Variants in CACTIN observed in about 807,000 individuals in gnomAD.
CACTIN encodes splicing factor Cactin.
Under a neutral mutation model 84.9 loss-of-function variants are expected in CACTIN, and 20 were observed. The ratio of observed to expected loss-of-function variants is 0.24; its 90% confidence interval spans 0.17 to 0.34. The LOEUF (loss-of-function observed/expected upper bound fraction) is 0.34, where lower values mean the gene tolerates loss of function less well. Among genes scored for constraint, CACTIN ranks in the 10% least tolerant of loss-of-function variants. CACTIN has a pLI of 1.00. For missense variants in CACTIN, 897 were observed against 1,117.2 expected, an observed-to-expected ratio of 0.80 and a Z score of 2.81; for synonymous variants, 549 against 467.9, an observed-to-expected ratio of 1.17 and a Z score of -2.24.
intron 4 of CACTIN, among the ~76,000 whole-genome samples, 174 bp from the exon 5 acceptor site, chr19:3,619,416 C>T (rs1034413628): frequency 2.0e-5 from 3 of 152,104 alleles, no homozygotes; most frequent in African/African-American, 4.8e-5. Context: ...TAGAGTGAGC[C>T]GGGTCAGCCA....
intron 6 of CACTIN, among the ~76,000 whole-genome samples, chr19:3,616,994 G>C (rs377022743): frequency 1.3e-5 from 2 of 152,082 alleles, no homozygotes; most frequent in African/African-American, 2.4e-5. Flanking sequence ...GATGGCGCGC[G>C]TCTGTAATCC....
chr19:3,621,115 C>A, intron 2 of CACTIN: 1 of 475,092 alleles, frequency 2.1e-6, no homozygotes, highest in South Asian at 2.0e-5. Flanking sequence ...GCCACCCCAG[C>A]CCCCAACAGA....
chr19:3,623,569 G>T (rs1263848908), intron 2 of CACTIN, 119 bp downstream of exon 2: 3 of 828,364 alleles, frequency 3.6e-6, no homozygotes, highest in Admixed American at 2.7e-5. Context: ...GCTTATGCGT[G>T]TGTGTGTAAA....
chr19:3,614,660 C>G, intron 6 of CACTIN, 71 bp from the exon 7 acceptor site: 2 of 1,283,168 alleles, frequency 1.6e-6, no homozygotes, highest in Non-Finnish European at 2.2e-6. Flanking sequence ...ATCAGGGCCT[C>G]CTCCCCTGCC....
At chr19:3,620,021 C>T (rs1038450743) in intron 4 of CACTIN, 106 bp downstream of exon 4, 15 of 1,344,246 alleles carry the variant, frequency 1.1e-5, no homozygotes, top group Admixed American at 4.0e-5. Flanking sequence ...CAGGAAGTGC[C>T]GTGTGGGACC....
At chr19:3,619,046 G>A in intron 5 of CACTIN, 34 bp downstream of exon 5, 1 of 1,549,876 alleles carries the variant, frequency 6.5e-7, no homozygotes, top group Non-Finnish European at 8.7e-7. Flanking sequence ...GGGTGAGGGT[G>A]CAGGTCAGAG....
In CACTIN at chr19:3,615,467, A is replaced by G. The variant is rs768965; in HGVS notation, c.1163-878T>C. The stretch of plus-strand genomic sequence containing the variant: ...CTGCCACCTCTGGGCCTTTGCACGC[A>G]CTGTGCTTCCTGCCAGCTACCCATC... On this transcript the variant is annotated intron_variant, in intron 6 of 9. Transcript: ENST00000429344. The surrounding 1 kb of genome is among the most constrained non-coding windows in gnomAD (Gnocchi z 5.2). 0.84 allele frequency: 128,487 copies of G among 153,124 alleles called. 54,263 individuals are homozygous for G. The highest frequency in any genetic ancestry group is 0.93 in the African/African-American group (38,689 of 41,546). 9.5% of individuals were successfully genotyped at this position (153,124 alleles called of 1,614,324 possible).
In CACTIN at chr19:3,611,754, C is replaced by G. The variant is rs1196080603; in HGVS notation, c.*169G>C. 1.1e-6 allele frequency: 1 copy of G among 874,030 alleles called. No individual in the cohort carries two copies. Among genetic ancestry groups the G allele is most frequent in the African/African-American group, 1.7e-5 (1 of 60,420 alleles). 54.1% of individuals were successfully genotyped at this position (874,030 alleles called of 1,614,324 possible). A position where few individuals can be genotyped will look rare whatever the true frequency, so the allele number is the denominator to read the frequency against. On this transcript the variant is annotated 3_prime_UTR_variant, in exon 10 of 10. Transcript: ENST00000429344. The stretch of plus-strand genomic sequence containing the variant: ...CCATGGCAGGCTCAATGGTGACCCC[C>G]CTTTTATATAGGAGGAAACTGAGGC...
rs1292949180 is a variant in CACTIN, at chr19:3,610,756, CG to C, written c.*1166del. ...CTACAAGTCTTTTTAGAGAAACAAA[CG>C]GAACTATTTCCAGATGAGGCGGGGT... On this transcript the variant is annotated 3_prime_UTR_variant, in exon 10 of 10. Coordinates refer to ENST00000429344, the MANE Select transcript of CACTIN (RefSeq NM_001080543.2). 1 of 456,982 alleles carries C rather than the reference CG, an allele frequency of 2.2e-6. No homozygotes were observed. The highest frequency in any genetic ancestry group is 1.5e-5 in the South Asian group (1 of 64,570). The allele number at this position is 456,982 out of a possible 1,614,324, so 28.3% of individuals were successfully genotyped here. A position where few individuals can be genotyped will look rare whatever the true frequency, so the allele number is the denominator to read the frequency against.
At chr19:3,621,582 C>T (rs972390600) in intron 2 of CACTIN, among the ~76,000 whole-genome samples, 2 of 152,224 alleles carry the variant, frequency 1.3e-5, no homozygotes, top group Non-Finnish European at 1.5e-5. Context: ...CTTCCACAGG[C>T]GTCAACGATG....
chr19:3,626,610 C>G lies in CACTIN; in HGVS notation c.153G>C (p.Arg51=). The G allele has an allele frequency of 6.0e-6, 9 of 1,506,306 alleles. No homozygotes were observed. Among genetic ancestry groups the G allele is most frequent in the Non-Finnish European group, 7.9e-6 (9 of 1,134,934 alleles). The allele number at this position is 1,506,306 out of a possible 1,614,324, so 93.3% of individuals were successfully genotyped here. A position where few individuals can be genotyped will look rare whatever the true frequency, so the allele number is the denominator to read the frequency against. Residue 51 remains arginine, a synonymous_variant, in exon 1 of 10, where the codon CGG becomes CGC. Coordinates refer to ENST00000429344, the MANE Select transcript of CACTIN (RefSeq NM_001080543.2). ...AGCGACCCCACCTGCGCTCCCGGCT[C>G]CGCCGCCTCCGTCTGCGCCGTCCCT... The part of the protein sequence containing the change: ...EDEGRRRRRR[R]SRERRSDSEE...
rs759229508 is a variant in CACTIN at position 3,613,234 on chromosome 19, C to T, written c.1610G>A (p.Gly537Asp). The T allele has an allele frequency of 1.2e-6, 2 of 1,604,118 alleles. No individual in the cohort carries two copies. Among genetic ancestry groups the T allele is most frequent in the South Asian group, 1.1e-5 (1 of 90,682 alleles). ...GDGDGEGEGE[G>D]EAVLMEEDLI... ...GTCCTCCTCCATGAGCACCGCCTCG[C>T]CCTCGCCCTCGCCCTCACCGTCCCC... Residue 537 changes from glycine (G) to aspartate (D), a missense_variant, in exon 9 of 10, where the codon GGC (glycine) becomes GAC (aspartate). Gly to Asp is a moderately conservative substitution (Grantham distance 94, BLOSUM62 -1). Transcript: ENST00000429344.
In CACTIN at chr19:3,624,134, G is replaced by A. The variant is rs778932025; in HGVS notation, c.196C>T (p.Arg66Cys). The A allele has an allele frequency of 2.5e-5, 40 of 1,572,974 alleles. No homozygotes were observed. Among genetic ancestry groups the A allele is most frequent in the Admixed American group, 5.2e-5 (3 of 58,178 alleles). ...GGGCTCCGGCTTCGCATCCCTGAGC[G>A]CTGCCACCGCTCTTCCTCTGAATCT... The part of the protein sequence containing the change: ...RSDSEEERWQ[R>C]SGMRSRSPPR... The change falls in exon 2 of 10, where the codon CGC (arginine) becomes TGC (cysteine). Residue 66 changes from arginine (R) to cysteine (C), a missense_variant. Arg to Cys is a radical substitution (Grantham distance 180). Around this residue, in one of 8 missense-constraint regions of CACTIN, gnomAD observed 261 missense variants for 243.8 expected, o/e 1.07. Transcript: ENST00000429344.
intron 4 of CACTIN, among the ~76,000 whole-genome samples, chr19:3,619,451 C>G (rs568928961): frequency 1.9e-4 from 29 of 152,286 alleles, no homozygotes; most frequent in Admixed American, 5.2e-4. Flanking sequence ...GCAGTGCAGA[C>G]AAAGTGCAAG....
intron 1 of CACTIN, among the ~76,000 whole-genome samples, chr19:3,625,208 G>A (rs1236693780): frequency 6.6e-6 from 1 of 152,054 alleles, no homozygotes; most frequent in Non-Finnish European, 1.5e-5. Context: ...AGGGGTCTTT[G>A]TACACAGAGA....
At chr19:3,618,494 C>G (rs544955544) in intron 6 of CACTIN, among the ~76,000 whole-genome samples, 2 of 152,230 alleles carry the variant, frequency 1.3e-5, no homozygotes, top group African/African-American at 4.8e-5. Context: ...GGACAGGTAG[C>G]GCCCTGAAGC....
Position 3,619,066 on chromosome 19 carries a change from G to T in CACTIN, c.1047+14C>A, listed in dbSNP as rs1053006604. 3.2e-6 allele frequency: 5 copies of T among 1,552,144 alleles called. No individual in the cohort carries two copies. Among genetic ancestry groups the T allele is most frequent in the Non-Finnish European group, 4.4e-6 (5 of 1,147,388 alleles). Reference sequence around the variant, plus strand: ...AGGGTGCAGGTCAGAGGAGCATCGGGTGGGGCTGGGTACCTGGATATCCTC... The same window carrying T: ...AGGGTGCAGGTCAGAGGAGCATCGGTTGGGGCTGGGTACCTGGATATCCTC... On this transcript the variant is annotated intron_variant, in intron 5 of 9. Transcript: ENST00000429344.
chr19:3,618,345 G>A (rs963453137), intron 6 of CACTIN, among the ~76,000 whole-genome samples: 1 of 152,148 alleles, frequency 6.6e-6, no homozygotes, highest in African/African-American at 2.4e-5. Flanking sequence ...CCTAGGGAAC[G>A]GCCCAGCCCG....
At position 3,620,250 on chromosome 19, in the gene CACTIN, C is replaced by A; in HGVS notation, c.761G>T (p.Arg254Leu). ...LQKVKQLRLEREREKAMREQE... is the reference protein window; with the variant it reads ...LQKVKQLRLELEREKAMREQE... ...CTCGCGCATGGCCTTCTCCCGCTCC[C>A]GCTCCAGCCGCAGCTGCTTCACCTG... The change falls in exon 4 of 10, where the codon CGG becomes CTG. Residue 254 changes from arginine to leucine, a missense_variant. This residue lies in a region of CACTIN where 304 missense variants were observed against 444.3 expected (regional missense o/e 0.68). Transcript: ENST00000429344. 1 of 1,578,194 alleles carries A rather than the reference C, an allele frequency of 6.3e-7. No homozygotes were observed. The highest frequency in any genetic ancestry group is 8.6e-7 in the Non-Finnish European group (1 of 1,167,336).
Sources: gnomAD v4.1 joint callset for allele counts (sites outside exome capture counted in the v4.1 genomes callset) on GRCh38, gnomAD v4.1.1 for gene constraint, gnomAD v4.1.1 regional missense constraint, Gnocchi (gnomAD v3.1) non-coding constraint, MANE v1.5 for transcripts, NCBI Gene and HGNC (gene_info 2026-07-23, HGNC 2026-07-21) for gene names.